Variants in TENM1 observed in about 807,000 individuals in gnomAD.
TENM1 encodes teneurin transmembrane protein 1.
Under a neutral mutation model 174.8 loss-of-function variants are expected in TENM1, and 35 were observed. The ratio of observed to expected loss-of-function variants is 0.20; its 90% CI spans 0.15 to 0.27. The LOEUF is 0.27. Ranked by LOEUF, TENM1 falls within the 10% of genes least tolerant of loss-of-function variation. TENM1 has a pLI of 1.00. For synonymous variants in TENM1, 781 were observed against 798.7 expected (o/e 0.98, Z 0.37); for missense variants, 1,633 against 2,130.1 (o/e 0.77, Z 4.59).
chrX:125,122,954 T>C, the TENM1 span, among the ~76,000 whole-genome samples: 13 of 111,777 alleles, frequency 1.2e-4, no homozygotes, highest in Non-Finnish European at 2.3e-4. Context: ...AAATTACTAG[T>C]AGAAGACATA....
chrX:124,521,561 T>G (rs2047850829), intron 17 of TENM1, among the ~76,000 whole-genome samples: 1 of 112,030 alleles, frequency 8.9e-6, no homozygotes, highest in Non-Finnish European at 1.9e-5. Context: ...TTTAATTAAT[T>G]GTTATTACTT....
rs748541890 is a variant in TENM1, at chrX:124,872,030, C to CAAAAAAA, written c.535+22259_535+22265dup. 3.7e-3 allele frequency among the ~76,000 whole-genome samples: 132 copies of CAAAAAAA among 35,304 alleles called. 4 individuals carry two copies. Among genetic ancestry groups the CAAAAAAA allele is most frequent in the African/African-American group, 0.013 (126 of 9,999 alleles). 30.7% of individuals were successfully genotyped at this position (35,304 alleles called of 115,157 possible). A position where few individuals can be genotyped will look rare whatever the true frequency, so the allele number is the denominator to read the frequency against. On this transcript the variant is annotated intron_variant, in intron 3 of 31. Coordinates refer to ENST00000422452, the Ensembl canonical transcript of TENM1. ...CTGGCGACAGAGCGAGACTCTGTCT[C>CAAAAAAA]AAAAAAAAAAAAAAAAAAAATAGAA... is the stretch of plus-strand genomic sequence containing the variant.
intron 3 of TENM1, among the ~76,000 whole-genome samples, chrX:124,860,764 G>A (rs185345701): frequency 3.6e-5 from 4 of 111,567 alleles, no homozygotes; most frequent in East Asian, 2.8e-4. Context: ...CAACCGCTTC[G>A]TTGGAGGCAA....
chrX:125,005,051 C>T, the TENM1 span, among the ~76,000 whole-genome samples: 2 of 110,538 alleles, frequency 1.8e-5, no homozygotes, highest in Non-Finnish European at 3.8e-5. Flanking sequence ...GCCTTTTGGT[C>T]TCCTGCCTCT....
At chrX:124,418,476 T>G (rs1320828296) in intron 25 of TENM1, among the ~76,000 whole-genome samples, 1 of 111,116 alleles carries the variant, frequency 9.0e-6, no homozygotes, top group Non-Finnish European at 1.9e-5. Context: ...AAACCTCTTC[T>G]GCTCCACCCA....
intron 3 of TENM1, among the ~76,000 whole-genome samples, chrX:124,852,398 A>T (rs1450458854): frequency 1.8e-5 from 2 of 110,610 alleles, no homozygotes; most frequent in African/African-American, 6.6e-5. Context: ...GGTGAAGAAG[A>T]TGGAGAAAAA....
At chrX:124,653,605 G>A (rs1315459502) in exon 7 of TENM1, 1 of 1,210,193 alleles carries the variant, frequency 8.3e-7, no homozygotes, top group Admixed American at 2.2e-5. Context: ...TAGGTGGAAT[G>A]TTTCTTCTGC....
intron 25 of TENM1, among the ~76,000 whole-genome samples, chrX:124,417,384 GT>G (rs1254825987): frequency 9.0e-6 from 1 of 110,653 alleles, no homozygotes; most frequent in Admixed American, 9.6e-5. Context: ...CTAATTGTTT[GT>G]ATTTTTAGTA....
chrX:124,389,807 T>G (rs1428047429), intron 28 of TENM1, among the ~76,000 whole-genome samples: 1 of 112,348 alleles, frequency 8.9e-6, no homozygotes. Flanking sequence ...ATAATGTTAA[T>G]AAAATCAATT....
chrX:124,384,206 T>A (rs1241843135), exon 30 of TENM1: 7 of 1,209,313 alleles, frequency 5.8e-6, no homozygotes, highest in Admixed American at 4.4e-5. Context: ...GTAGGCTTTC[T>A]GCAGCAGGCC....
In TENM1 at chrX:124,520,696, C is replaced by T. The variant is rs373042869; in HGVS notation, c.3122G>A (p.Arg1041Gln). The T allele has an allele frequency of 4.8e-5, 58 of 1,207,332 alleles. No homozygotes were observed. The highest frequency in any genetic ancestry group is 5.8e-5 in the Non-Finnish European group (52 of 894,453). Residue 1041 changes from arginine (R) to glutamine (Q), a missense_variant, in exon 18 of 32, where the codon CGG (arginine) becomes CAG (glutamine). Coordinates refer to ENST00000422452, the Ensembl canonical transcript of TENM1. The stretch of plus-strand genomic sequence containing the variant: ...AATCGTTGAATGTGTCAGAAGGATC[C>T]GTAGCAGGGTTTTATACCCAGGGGT...
the TENM1 span, among the ~76,000 whole-genome samples, chrX:125,124,207 T>C: frequency 1.8e-5 from 2 of 112,698 alleles, no homozygotes; most frequent in African/African-American, 6.4e-5. Context: ...AAAGGGCTTA[T>C]CTATGTGTTT....
intron 5 of TENM1, among the ~76,000 whole-genome samples, chrX:124,687,526 ATTT>A (rs994578417): frequency 8.9e-6 from 1 of 112,331 alleles, no homozygotes; most frequent in Admixed American, 9.5e-5. Context: ...ATGGACAAAG[ATTT>A]TATGATGAAA....
chrX:124,620,300 T>C (rs149871756), intron 11 of TENM1, among the ~76,000 whole-genome samples: 2,460 of 111,256 alleles, frequency 0.022, 55 homozygotes, highest in African/African-American at 0.076. Flanking sequence ...TTTTTGACCA[T>C]GATTTTAAAT....
intron 3 of TENM1, among the ~76,000 whole-genome samples, chrX:124,770,710 AT>A (rs201991337): frequency 4.5e-3 from 439 of 98,371 alleles, no homozygotes; most frequent in Middle Eastern, 0.01. Context: ...CACCCAGACC[AT>A]TTTTTTTTTT....
At chrX:125,092,459 G>C in the TENM1 span, among the ~76,000 whole-genome samples, 1 of 111,426 alleles carries the variant, frequency 9.0e-6, no homozygotes, top group Admixed American at 9.5e-5. Context: ...GTCACCAATG[G>C]AAACAACAAT....
chrX:124,984,179 G>C, the TENM1 span, among the ~76,000 whole-genome samples: 2 of 111,469 alleles, frequency 1.8e-5, no homozygotes, highest in Non-Finnish European at 3.8e-5. Context: ...ATTATCAGTG[G>C]CTTCTTGTTG....
At position 124,815,609 on chromosome X, in the gene TENM1, C is replaced by A. The variant is rs892883099; in HGVS notation, c.536-78412G>T. Among the ~76,000 whole-genome samples, 5 of 111,059 alleles carry A rather than the reference C, an allele frequency of 4.5e-5. No individual in the cohort carries two copies. The East Asian group carries it at 8.5e-4, about 19-fold the overall frequency. On this transcript the variant is annotated intron_variant, in intron 3 of 31. Transcript: ENST00000422452. Reference sequence around the variant, plus strand: ...AGATTCTATTTTTTTCTTTAAAATACCCTCAGTATGTATACAGCATTTCAT... The same window carrying A: ...AGATTCTATTTTTTTCTTTAAAATAACCTCAGTATGTATACAGCATTTCAT...
At chrX:125,129,781 T>C in the TENM1 span, among the ~76,000 whole-genome samples, 1 of 111,609 alleles carries the variant, frequency 9.0e-6, no homozygotes, top group Non-Finnish European at 1.9e-5. Flanking sequence ...AGGATCTCAT[T>C]CTTTTTATAG....
Sources: gnomAD v4.1 joint callset for allele counts (sites outside exome capture counted in the v4.1 genomes callset) on GRCh38, gnomAD v4.1.1 for gene constraint, MANE v1.5 for transcripts, NCBI Gene and HGNC (gene_info 2026-07-23, HGNC 2026-07-21) for gene names.